SERPINE2: variants seen among roughly 807,000 people sequenced by gnomAD.
SERPINE2 encodes the protein glia-derived nexin.
A neutral mutation model predicts 36.3 loss-of-function variants in SERPINE2; 14 were observed. That is an observed-to-expected ratio of 0.39 (90% CI 0.25 to 0.60). SERPINE2 has a LOEUF of 0.60. SERPINE2 is among the 20% of genes least tolerant of loss of function. The pLI, the probability that SERPINE2 is intolerant of heterozygous loss-of-function variation, is 0.57. For synonymous variants in SERPINE2, 192 were observed against 191.8 expected (o/e 1.00, Z -0.01); for missense variants, 418 against 499.6 (o/e 0.84, Z 1.56).
At chr2:223,986,279 T>A (rs1298910152) in intron 4 of SERPINE2, among the ~76,000 whole-genome samples, 1 of 152,202 alleles carries the variant, frequency 6.6e-6, no homozygotes, top group Non-Finnish European at 1.5e-5. Flanking sequence ...GCAGAGGAAC[T>A]GGGGCTCTCC....
chr2:223,985,220 G>A (rs1256141595), intron 4 of SERPINE2, among the ~76,000 whole-genome samples: 1 of 151,696 alleles, frequency 6.6e-6, no homozygotes, highest in Middle Eastern at 3.2e-3. Context: ...AAATCACAAA[G>A]TGCTTAAAAT....
intron 1 of SERPINE2, among the ~76,000 whole-genome samples, chr2:224,037,269 T>C (rs1222284752): frequency 1.3e-5 from 2 of 152,144 alleles, no homozygotes; most frequent in African/African-American, 4.8e-5. Flanking sequence ...TCTATTCTCC[T>C]GGTAGAATGG....
intron 1 of SERPINE2, among the ~76,000 whole-genome samples, chr2:224,014,263 T>G (rs1193779784): frequency 1.3e-5 from 2 of 152,048 alleles, no homozygotes; most frequent in Non-Finnish European, 1.5e-5. Context: ...TTATCCCAGC[T>G]GCTCAAGAGG....
chr2:224,031,839 C>G lies in SERPINE2; in HGVS notation c.-23+7260G>C, dbSNP rs564969930. Among the ~76,000 whole-genome samples the G allele has an allele frequency of 7.2e-5, 10 of 138,266 alleles. No homozygotes were observed. In the South Asian group the frequency reaches 2.4e-3, roughly 33 times the overall value. The allele number at this position is 138,266 out of a possible 152,430, so 90.7% of individuals were successfully genotyped here. On this transcript the variant is annotated intron_variant, in intron 1 of 8. Coordinates refer to ENST00000409304, the MANE Select transcript of SERPINE2 (RefSeq NM_001136528.2). ...AGGCTGTAGGGAGGTAAGCCTGGAG[C>G]TACCTACAGTCATGGTCCCGGAGAG...
chr2:224,037,077 G>T (rs576259265), intron 1 of SERPINE2, among the ~76,000 whole-genome samples: 1 of 152,200 alleles, frequency 6.6e-6, no homozygotes, highest in Admixed American at 6.5e-5. Context: ...CTTTTAGTTG[G>T]TTTTCTCCCA....
intron 4 of SERPINE2, among the ~76,000 whole-genome samples, chr2:223,988,541 G>A (rs375864558): frequency 6.6e-6 from 1 of 152,106 alleles, no homozygotes; most frequent in Non-Finnish European, 1.5e-5. Flanking sequence ...TGAACAGACA[G>A]GTATGAGTTA....
intron 1 of SERPINE2, among the ~76,000 whole-genome samples, chr2:224,014,525 G>A (rs1691732421): frequency 6.6e-6 from 1 of 152,204 alleles, no homozygotes; most frequent in South Asian, 2.1e-4. Context: ...AAAGTCAGAG[G>A]GATCATTGTG....
chr2:224,025,218 G>C (rs181274095), intron 1 of SERPINE2, among the ~76,000 whole-genome samples: 44 of 152,248 alleles, frequency 2.9e-4, no homozygotes, highest in South Asian at 6.2e-4. Flanking sequence ...TCACCTGCCC[G>C]CCCCTTGCCC....
chr2:223,999,251 G>A (rs1158354571), intron 2 of SERPINE2, among the ~76,000 whole-genome samples: 2 of 152,144 alleles, frequency 1.3e-5, no homozygotes, highest in African/African-American at 4.8e-5. Flanking sequence ...TATTTTACAT[G>A]AGCCATTCAT....
At chr2:223,997,865 G>C (rs1317311193) in intron 3 of SERPINE2, among the ~76,000 whole-genome samples, 1 of 152,192 alleles carries the variant, frequency 6.6e-6, no homozygotes, top group Non-Finnish European at 1.5e-5. Context: ...ATATGGCAAG[G>C]AGAGGAGACA....
intron 5 of SERPINE2, 28 bp from the exon 6 acceptor site, chr2:223,982,809 A>G (rs770203142): frequency 1.3e-6 from 2 of 1,542,068 alleles, no homozygotes; most frequent in Non-Finnish European, 1.8e-6. Flanking sequence ...ATGGAGAAAA[A>G]AAATCACGAG....
Position 224,030,719 on chromosome 2 carries a change from A to G in SERPINE2, c.-23+8380T>C, listed in dbSNP as rs553729621. The G allele has an allele frequency of 5.2e-5, 8 of 153,300 alleles. No individual in the cohort carries two copies. The East Asian group carries it at 1.3e-3, about 26-fold the overall frequency. 9.5% of individuals were successfully genotyped at this position (153,300 alleles called of 1,614,324 possible). ...GACAAATTTTGAAATAAAGGTAACT[A>G]TAAACCTTTGAAAAAGAAGTTAAAT... On this transcript the variant is annotated intron_variant, in intron 1 of 8. Coordinates refer to ENST00000409304, the MANE Select transcript of SERPINE2 (RefSeq NM_001136528.2).
chr2:224,017,700 G>A lies in SERPINE2; in HGVS notation c.-22-15778C>T, dbSNP rs543403857. Among the ~76,000 whole-genome samples the A allele has an allele frequency of 1.1e-4, 16 of 152,218 alleles. No homozygotes were observed. The South Asian group carries it at 2.7e-3, about 26-fold the overall frequency. On this transcript the variant is annotated intron_variant, in intron 1 of 8. Transcript: ENST00000409304. ...GCCTCAGCTCCTCCATCTGAAAATC[G>A]GTGTAATAGTAGTTCTTACTTTAAG...
chr2:224,029,696 A>C (rs375219078), intron 1 of SERPINE2, among the ~76,000 whole-genome samples: 19 of 152,196 alleles, frequency 1.2e-4, no homozygotes, highest in African/African-American at 4.6e-4. Flanking sequence ...CTGTATAGAC[A>C]TTTTTTGTTT....
At chr2:224,027,963 T>C (rs1402555952) in intron 1 of SERPINE2, among the ~76,000 whole-genome samples, 1 of 152,168 alleles carries the variant, frequency 6.6e-6, no homozygotes, top group Admixed American at 6.5e-5. Flanking sequence ...TTTTACCCTC[T>C]AGAATGAATC....
At chr2:223,989,008 T>C (rs947732162) in intron 4 of SERPINE2, among the ~76,000 whole-genome samples, 1 of 152,208 alleles carries the variant, frequency 6.6e-6, no homozygotes, top group Non-Finnish European at 1.5e-5. Context: ...AATGACAAAC[T>C]TGATACTTAA....
chr2:224,025,346 C>T (rs1692148431), intron 1 of SERPINE2, among the ~76,000 whole-genome samples: 1 of 152,172 alleles, frequency 6.6e-6, no homozygotes, highest in Admixed American at 6.5e-5. Context: ...CACATCTGAC[C>T]AACTTCTCCC....
At chr2:224,006,372 C>T (rs983608631) in intron 1 of SERPINE2, among the ~76,000 whole-genome samples, 1 of 152,172 alleles carries the variant, frequency 6.6e-6, no homozygotes, top group Non-Finnish European at 1.5e-5. Flanking sequence ...GTTGAAAGAG[C>T]TTGCTTACCC....
chr2:224,022,912 T>C (rs1692056915), intron 1 of SERPINE2, among the ~76,000 whole-genome samples: 2 of 152,130 alleles, frequency 1.3e-5, no homozygotes, highest in African/African-American at 4.8e-5. Context: ...GATTTGATGG[T>C]TTTATAAGTG....
Sources: allele counts gnomAD v4.1 joint callset (sites outside exome capture counted in the v4.1 genomes callset), GRCh38; gene constraint gnomAD v4.1.1; transcripts MANE v1.5; gene names NCBI Gene and HGNC (gene_info 2026-07-23, HGNC 2026-07-21).